The following COMP variants were observed in gnomAD, a reference collection of about 807,000 sequenced individuals.
COMP encodes cartilage oligomeric matrix protein.
A neutral mutation model predicts 95.8 loss-of-function variants in COMP; 79 were observed. That is an observed-to-expected ratio of 0.82 (90% CI 0.69 to 0.99). The LOEUF is 0.99. Ranked by LOEUF, COMP falls within the 50% of genes least tolerant of loss-of-function variation. The pLI, the probability that COMP is intolerant of heterozygous loss-of-function variation, is 0.00. For missense variants in COMP, 906 were observed against 1,076.1 expected (o/e 0.84, Z 2.21); for synonymous variants, 438 against 433.9 (o/e 1.01, Z -0.12).
intron 11 of COMP, 50 bp downstream of exon 11, chr19:18,786,481 CT>C (rs2055168113): frequency 6.4e-7 from 1 of 1,561,544 alleles, no homozygotes; most frequent in East Asian, 2.2e-5. Context: ...GGTAATCCAA[CT>C]TGCAGTTCAC....
intron 17 of COMP, among the ~76,000 whole-genome samples, chr19:18,783,516 G>T (rs1182449949): frequency 6.6e-6 from 1 of 152,164 alleles, no homozygotes; most frequent in East Asian, 1.9e-4. Flanking sequence ...AGGCTGGAGT[G>T]CAGTGGTGCA....
At chr19:18,786,333 A>G in intron 11 of COMP, 42 bp from the exon 12 acceptor site, 1 of 1,613,118 alleles carries the variant, frequency 6.2e-7, no homozygotes, top group Non-Finnish European at 8.5e-7. Flanking sequence ...CAGACAGAGG[A>G]AATCAGAAAG....
Position 18,789,815 on chromosome 19 carries a change from C to A in COMP, c.390+127G>T. On this transcript the variant is annotated intron_variant, in intron 4 of 18. Coordinates refer to ENST00000222271, the MANE Select transcript of COMP (RefSeq NM_000095.3). The surrounding 1 kb of genome is among the most constrained non-coding windows in gnomAD (Gnocchi z 6.1). ...GCGGTAAGGAGGTAGTCTGGCCGTGCGCCCCCGGAGGTGAGAGGCTCTTCG... is the reference window on the plus strand; with the variant it reads ...GCGGTAAGGAGGTAGTCTGGCCGTGAGCCCCCGGAGGTGAGAGGCTCTTCG... 2 of 1,210,542 alleles carry A rather than the reference C, an allele frequency of 1.7e-6. No homozygotes were observed. Among genetic ancestry groups the A allele is most frequent in the East Asian group, 2.5e-5 (1 of 39,622 alleles). The allele number at this position is 1,210,542 out of a possible 1,614,324, so 75.0% of individuals were successfully genotyped here.
rs2055177195 is a variant in COMP, at chr19:18,787,636, C to T, written c.990G>A (p.Leu330=). Residue 330 remains leucine, a synonymous_variant, in exon 10 of 19, where the codon CTG becomes CTA. Transcript: ENST00000222271. ...GVPNEKDNCP[L]VRNPDQRNTD... ...TGTTGCGCTGGTCTGGGTTCCGCAC[C>T]AGCGGGCAGTTGTCCTGGATGACAG... 1 of 1,613,934 alleles carries T rather than the reference C, an allele frequency of 6.2e-7. No individual in the cohort carries two copies. The highest frequency in any genetic ancestry group is 1.3e-5 in the African/African-American group (1 of 75,048).
chr19:18,790,335 TCTGCC>T (rs1324194403), intron 3 of COMP, among the ~76,000 whole-genome samples: 1 of 151,806 alleles, frequency 6.6e-6, no homozygotes, highest in African/African-American at 2.4e-5. Flanking sequence ...GTCCCGCTTT[TCTGCC>T]CCGTGGCGTC....
chr19:18,790,477 C>A, intron 3 of COMP, 85 bp downstream of exon 3: 3 of 1,565,440 alleles, frequency 1.9e-6, no homozygotes, highest in Non-Finnish European at 2.6e-6. Context: ...CTCTTTTCCT[C>A]CCCAGCTTTC....
rs2055197821 is a variant in COMP, at chr19:18,789,785, C to T, written c.390+157G>A. ...GGGGATGGTCCTTGGGTTGGGCGTCCCCCCGCGGTAAGGAGGTAGTCTGGC... is the reference window on the plus strand; with the variant it reads ...GGGGATGGTCCTTGGGTTGGGCGTCTCCCCGCGGTAAGGAGGTAGTCTGGC... On this transcript the variant is annotated intron_variant, in intron 4 of 18. Transcript: ENST00000222271. The surrounding 1 kb of genome is among the most constrained non-coding windows in gnomAD (Gnocchi z 6.1). Among the ~76,000 whole-genome samples the T allele has an allele frequency of 1.3e-5, 2 of 151,798 alleles. No individual in the cohort carries two copies. Among genetic ancestry groups the T allele is most frequent in the South Asian group, 4.2e-4 (2 of 4,800 alleles).
chr19:18,784,179 T>A lies in COMP; in HGVS notation c.2087+12A>T, dbSNP rs199564320. On this transcript the variant is annotated intron_variant, in intron 17 of 18. Coordinates refer to ENST00000222271, the MANE Select transcript of COMP (RefSeq NM_000095.3). The surrounding 1 kb of genome is among the most constrained non-coding windows in gnomAD (Gnocchi z 4.9). ...CCCCAGCCCAGCCCACCACAGAGGG[T>A]GGAGTCCCCACCTGATGTAGCCCAC... is the stretch of plus-strand genomic sequence containing the variant. 8.1e-6 allele frequency: 13 copies of A among 1,612,810 alleles called. No homozygotes were observed. The East Asian group carries it at 2.9e-4, about 36-fold the overall frequency.
chr19:18,786,419 G>C (rs537701126), intron 11 of COMP, 113 bp downstream of exon 11: 81 of 1,531,790 alleles, frequency 5.3e-5, no homozygotes, highest in Non-Finnish European at 6.5e-5. Context: ...TGCTCGGACC[G>C]AGAGGTCATT....
Position 18,784,339 on chromosome 19 carries a change from C to CG in COMP, c.1938dup (p.Gly647ArgfsTer55), listed in dbSNP as rs2055149714. On this transcript the variant is annotated frameshift_variant, in exon 17 of 19. Coordinates refer to ENST00000222271, the MANE Select transcript of COMP (RefSeq NM_000095.3). LOFTEE classifies it high-confidence loss of function. The surrounding 1 kb of genome is among the most constrained non-coding windows in gnomAD (Gnocchi z 4.9). ...CACAGAGCGTTCCGCAGCTGTTCCC[C>CG]GGGGCCTGTGGAAGACTTCACAGCC... The CG allele has an allele frequency of 7.4e-6, 12 of 1,613,992 alleles. No individual in the cohort carries two copies. The highest frequency in any genetic ancestry group is 1.0e-5 in the Non-Finnish European group (12 of 1,180,026).
At position 18,790,129 on chromosome 19, in the gene COMP, G is replaced by A. The variant is rs542886784; in HGVS notation, c.218-15C>T. 7.9e-6 allele frequency: 12 copies of A among 1,519,098 alleles called. No individual in the cohort carries two copies. The South Asian group carries it at 1.5e-4, about 19-fold the overall frequency. The allele number at this position is 1,519,098 out of a possible 1,614,324, so 94.1% of individuals were successfully genotyped here. On this transcript the variant is annotated splice_polypyrimidine_tract_variant and intron_variant, in intron 3 of 18. Transcript: ENST00000222271. ...CTGCTGCATCCCTGCGGGGGGGAGG[G>A]GGGAGAAGCGGCGGGGCTGATCGGT...
rs751548043 is a variant in COMP, at chr19:18,783,200, G to T, written c.2088-7C>A. The stretch of plus-strand genomic sequence containing the variant: ...GCCCTCATAGAATCGCACCCTGAGG[G>T]TCAGACATGGTGAGGCCTGGGGGAC... On this transcript the variant is annotated splice_polypyrimidine_tract_variant and splice_region_variant and intron_variant, in intron 17 of 18. Transcript: ENST00000222271. The T allele has an allele frequency of 6.2e-7, 1 of 1,606,670 alleles. No individual in the cohort carries two copies. Among genetic ancestry groups the T allele is most frequent in the Non-Finnish European group, 8.5e-7 (1 of 1,179,966 alleles).
chr19:18,789,135 A>G lies in COMP; in HGVS notation c.528+25T>C, dbSNP rs1232552193. The stretch of plus-strand genomic sequence containing the variant: ...GGACGCCCCCTTCCCTTCTGCTCCA[A>G]AAATGGGGCCCCCACACCTCTCACC... On this transcript the variant is annotated intron_variant, in intron 5 of 18. Transcript: ENST00000222271. The surrounding 1 kb of genome is among the most constrained non-coding windows in gnomAD (Gnocchi z 6.1). 6.3e-7 allele frequency: 1 copy of G among 1,583,870 alleles called. No individual in the cohort carries two copies. The highest frequency in any genetic ancestry group is 2.2e-5 in the East Asian group (1 of 44,530).
chr19:18,786,514 A>G lies in COMP; in HGVS notation c.1254+18T>C, dbSNP rs368587069. On this transcript the variant is annotated intron_variant, in intron 11 of 18. Coordinates refer to ENST00000222271, the MANE Select transcript of COMP (RefSeq NM_000095.3). ...TCACCCAGAGGGCTTACCCAGCTGG[A>G]GTCTGGCCTGCCCTCACCTGATCCG... 62 of 1,605,292 alleles carry G rather than the reference A, an allele frequency of 3.9e-5. No individual in the cohort carries two copies. The highest frequency in any genetic ancestry group is 5.1e-5 in the Non-Finnish European group (60 of 1,172,174).
At chr19:18,787,720 A>G in intron 9 of COMP, 70 bp from the exon 10 acceptor site, 5 of 1,594,786 alleles carry the variant, frequency 3.1e-6, no homozygotes, top group Non-Finnish European at 4.3e-6. Context: ...CAGATTCCCA[A>G]ATCTCCGAGG....
chr19:18,791,285 C>T lies in COMP; in HGVS notation c.-16G>A, dbSNP rs775728364. 2 of 1,581,956 alleles carry T rather than the reference C, an allele frequency of 1.3e-6. No individual in the cohort carries two copies. The highest frequency in any genetic ancestry group is 2.3e-5 in the South Asian group (2 of 86,920). On this transcript the variant is annotated 5_prime_UTR_variant, in exon 1 of 19. Coordinates refer to ENST00000222271, the MANE Select transcript of COMP (RefSeq NM_000095.3). ...CGGGGACCATGGCGGTGGCGGGGAG[C>T]TGGGTGGCTGCTCGCTTTCTACCGC... is the stretch of plus-strand genomic sequence containing the variant.
chr19:18,785,022 A>C lies in COMP; in HGVS notation c.1788T>G (p.Tyr596Ter). The C allele has an allele frequency of 6.2e-7, 1 of 1,614,092 alleles. No individual in the cohort carries two copies. The highest frequency in any genetic ancestry group is 8.5e-7 in the Non-Finnish European group (1 of 1,180,004). Residue 596 changes from tyrosine to a stop codon, truncating the protein, a stop_gained, in exon 16 of 19, where the codon TAT becomes TAG. Transcript: ENST00000222271. LOFTEE classifies it high-confidence loss of function. ...CCTGGTAGCCAAAGATGAAGCCCGC[A>C]TAGTCGTCATCCGTGACCGTGTTCA... ...FHVNTVTDDD[Y>*]AGFIFGYQDS...
Position 18,786,252 on chromosome 19 carries a change from T to C in COMP, c.1294A>G (p.Ser432Gly). Residue 432 changes from serine to glycine, a missense_variant, in exon 12 of 19, where the codon AGC (serine) becomes GGC (glycine). Physicochemically the swap from Ser to Gly is moderately conservative, Grantham distance 56. Transcript: ENST00000222271. ...DHDFVGDACD[S>G]DQDQDGDGHQ... is the part of the protein sequence containing the mutation. ...TGGCCTCCTTACTGGTCTTGATCGCTGTCACAAGCATCTCCCACAAAGTCG... is the reference window on the plus strand; with the variant it reads ...TGGCCTCCTTACTGGTCTTGATCGCCGTCACAAGCATCTCCCACAAAGTCG... 6.2e-7 allele frequency: 1 copy of C among 1,614,050 alleles called. No individual in the cohort carries two copies. The highest frequency in any genetic ancestry group is 8.5e-7 in the Non-Finnish European group (1 of 1,180,024).
chr19:18,789,844 C>A lies in COMP; in HGVS notation c.390+98G>T. The A allele has an allele frequency of 7.0e-7, 1 of 1,433,280 alleles. No individual in the cohort carries two copies. The highest frequency in any genetic ancestry group is 9.5e-7 in the Non-Finnish European group (1 of 1,048,970). 88.8% of individuals were successfully genotyped at this position (1,433,280 alleles called of 1,614,324 possible). A position where few individuals can be genotyped will look rare whatever the true frequency, so the allele number is the denominator to read the frequency against. Reference sequence around the variant, plus strand: ...CCCGGAGGTGAGAGGCTCTTCGGGGCGAACACTCCCAGTGGAGGAAGGGGT... The same window carrying A: ...CCCGGAGGTGAGAGGCTCTTCGGGGAGAACACTCCCAGTGGAGGAAGGGGT... On this transcript the variant is annotated intron_variant, in intron 4 of 18. Coordinates refer to ENST00000222271, the MANE Select transcript of COMP (RefSeq NM_000095.3). This position sits in a 1 kb window ranked among gnomAD's most constrained non-coding sequence, Gnocchi z 6.1.
Sources: allele counts gnomAD v4.1 joint callset (sites outside exome capture counted in the v4.1 genomes callset), GRCh38; gene constraint gnomAD v4.1.1; non-coding constraint Gnocchi (gnomAD v3.1); transcripts MANE v1.5; gene names NCBI Gene and HGNC (gene_info 2026-07-23, HGNC 2026-07-21).